The following MCUB variants were observed in gnomAD, a reference collection of about 807,000 sequenced individuals.
MCUB encodes the protein calcium uniporter regulatory subunit MCUb, mitochondrial.
A neutral mutation model predicts 41.4 loss-of-function variants in MCUB; 46 were observed. The observed-to-expected ratio is 1.11, with a 90% CI of 0.88 to 1.42. The LOEUF (loss-of-function observed/expected upper bound fraction) is 1.42. Among genes scored for constraint, MCUB ranks in the 40% most tolerant of loss-of-function variants. The pLI is 0.00. For synonymous variants in MCUB, 148 were observed against 148.2 expected (o/e 1.00, Z 0.01); for missense variants, 403 against 404.9 (o/e 1.00, Z 0.04).
Position 109,598,088 on chromosome 4 carries a change from G to A in MCUB, c.99+37652G>A, listed in dbSNP as rs1192908792. The stretch of plus-strand genomic sequence containing the variant: ...TTCCTAGATGGGATGGCGGCCGGAC[G>A]GAGACGCTCCTCACTTCCCAGACTG... On this transcript the variant is annotated intron_variant, in intron 1 of 7. Transcript: ENST00000394650. Among the ~76,000 whole-genome samples the A allele has an allele frequency of 1.5e-4, 22 of 149,454 alleles. No homozygotes were observed. The East Asian group carries it at 1.6e-3, about 11-fold the overall frequency.
intron 1 of MCUB, among the ~76,000 whole-genome samples, chr4:109,579,311 G>A (rs557146871): frequency 1.5e-4 from 23 of 151,678 alleles, no homozygotes; most frequent in African/African-American, 3.6e-4. Context: ...GTGCAGTGGC[G>A]TGATCTCAGT....
chr4:109,602,147 T>A (rs1266752690), intron 1 of MCUB, among the ~76,000 whole-genome samples: 1 of 152,244 alleles, frequency 6.6e-6, no homozygotes, highest in African/African-American at 2.4e-5. Flanking sequence ...TTTACAGATA[T>A]TTTCTGCCAC....
chr4:109,566,057 T>A (rs1363484069), intron 1 of MCUB, among the ~76,000 whole-genome samples: 4 of 151,916 alleles, frequency 2.6e-5, no homozygotes, highest in African/African-American at 9.7e-5. Context: ...GGTCTCACTA[T>A]GTTGCCCAGG....
At chr4:109,574,005 T>A (rs564142251) in intron 1 of MCUB, among the ~76,000 whole-genome samples, 72 of 150,554 alleles carry the variant, frequency 4.8e-4, no homozygotes, top group African/African-American at 1.8e-3. Context: ...CCCAAGAAGC[T>A]AGGATTACAG....
chr4:109,659,803 C>T (rs1030055656), intron 2 of MCUB, among the ~76,000 whole-genome samples: 2 of 152,096 alleles, frequency 1.3e-5, no homozygotes, highest in Non-Finnish European at 2.9e-5. Context: ...ACTACAGGCG[C>T]ACACCACCAT....
chr4:109,678,974 G>A lies in MCUB; in HGVS notation c.452-3608G>A, dbSNP rs184194754. Among the ~76,000 whole-genome samples, 716 of 150,914 alleles carry A rather than the reference G, an allele frequency of 4.7e-3. 4 individuals are homozygous for A. Among genetic ancestry groups the A allele is most frequent in the Non-Finnish European group, 6.7e-3 (456 of 67,664 alleles). On this transcript the variant is annotated intron_variant, in intron 4 of 7. Coordinates refer to ENST00000394650, the MANE Select transcript of MCUB (RefSeq NM_017918.5). Reference sequence around the variant, plus strand: ...CAGAGGCGCTCCTCACTTCCCATTCGGGGCAGCCAGGCAGAGACAGTCCTC... The same window carrying A: ...CAGAGGCGCTCCTCACTTCCCATTCAGGGCAGCCAGGCAGAGACAGTCCTC...
intron 1 of MCUB, among the ~76,000 whole-genome samples, chr4:109,579,755 T>A (rs896809982): frequency 6.6e-6 from 1 of 152,192 alleles, no homozygotes; most frequent in Non-Finnish European, 1.5e-5. Flanking sequence ...AGCTGTGTGT[T>A]ATTGCCAACT....
chr4:109,627,589 C>G (rs1728387368), intron 1 of MCUB, among the ~76,000 whole-genome samples: 1 of 152,122 alleles, frequency 6.6e-6, no homozygotes, highest in African/African-American at 2.4e-5. Flanking sequence ...CTTGGTGCTG[C>G]AGATAAAGTT....
At chr4:109,636,232 A>G (rs1728585976) in intron 1 of MCUB, among the ~76,000 whole-genome samples, 1 of 152,234 alleles carries the variant, frequency 6.6e-6, no homozygotes, top group Non-Finnish European at 1.5e-5. Context: ...TTTCTAAAAC[A>G]TCGGAGATTG....
intron 1 of MCUB, among the ~76,000 whole-genome samples, chr4:109,567,876 T>C (rs944764605): frequency 1.6e-4 from 24 of 152,132 alleles, no homozygotes; most frequent in African/African-American, 5.5e-4. Flanking sequence ...TTTTTGTATT[T>C]TTAGTAGAGA....
chr4:109,585,774 G>A (rs976331989), intron 1 of MCUB, among the ~76,000 whole-genome samples: 50 of 152,250 alleles, frequency 3.3e-4, no homozygotes, highest in African/African-American at 1.2e-3. Flanking sequence ...TTGAATATTG[G>A]CCCCCACTGT....
intron 3 of MCUB, among the ~76,000 whole-genome samples, chr4:109,661,571 A>G (rs1729232335): frequency 6.6e-6 from 1 of 152,164 alleles, no homozygotes; most frequent in African/African-American, 2.4e-5. Flanking sequence ...TGGAGCTTAT[A>G]TTTAGGAGGA....
At chr4:109,603,926 C>A (rs1214247909) in intron 1 of MCUB, among the ~76,000 whole-genome samples, 2 of 152,086 alleles carry the variant, frequency 1.3e-5, no homozygotes, top group African/African-American at 4.8e-5. Context: ...ATGACGATGG[C>A]GGTTTTGTTG....
intron 1 of MCUB, among the ~76,000 whole-genome samples, chr4:109,656,672 A>G (rs753929823): frequency 3.3e-5 from 5 of 151,426 alleles, no homozygotes; most frequent in African/African-American, 4.8e-5. Context: ...CGCCTGGCCT[A>G]CTCCCTACCT....
chr4:109,686,974 T>A (rs867041222), intron 7 of MCUB, among the ~76,000 whole-genome samples: 2 of 151,748 alleles, frequency 1.3e-5, no homozygotes, highest in Non-Finnish European at 2.9e-5. Context: ...GTTTTTTTTT[T>A]AAGAATATTA....
chr4:109,616,823 A>G (rs1398715208), intron 1 of MCUB, among the ~76,000 whole-genome samples: 2 of 151,638 alleles, frequency 1.3e-5, no homozygotes, highest in African/African-American at 4.8e-5. Context: ...CTTTCTATGG[A>G]TTTGCCCTCT....
intron 1 of MCUB, among the ~76,000 whole-genome samples, chr4:109,584,071 T>A (rs939977231): frequency 6.6e-6 from 1 of 152,236 alleles, no homozygotes; most frequent in Non-Finnish European, 1.5e-5. Context: ...TGTGAATTCC[T>A]CTGGTCCTGG....
chr4:109,654,309 G>A (rs756661698), intron 1 of MCUB, among the ~76,000 whole-genome samples: 3 of 152,052 alleles, frequency 2.0e-5, no homozygotes, highest in South Asian at 2.1e-4. Flanking sequence ...ATGTTATAGT[G>A]ATACTTAAGA....
In MCUB at chr4:109,560,456, T is replaced by C; in HGVS notation, c.99+20T>C. 1.7e-6 allele frequency: 2 copies of C among 1,184,216 alleles called. No individual in the cohort carries two copies. The highest frequency in any genetic ancestry group is 2.2e-6 in the Non-Finnish European group (2 of 930,162). The allele number at this position is 1,184,216 out of a possible 1,614,324, so 73.4% of individuals were successfully genotyped here. A position where few individuals can be genotyped will look rare whatever the true frequency, so the allele number is the denominator to read the frequency against. ...CCCCAGGTAAGAGCGGGTGCCGGGC[T>C]GTGGGGGTTCGGGGTAGGCTGGTGC... On this transcript the variant is annotated intron_variant, in intron 1 of 7. Transcript: ENST00000394650.
Sources: allele counts gnomAD v4.1 joint callset (sites outside exome capture counted in the v4.1 genomes callset), GRCh38; gene constraint gnomAD v4.1.1; transcripts MANE v1.5; gene names NCBI Gene and HGNC (gene_info 2026-07-23, HGNC 2026-07-21).